The following SETBP1 variants were observed in gnomAD, a reference collection of about 807,000 sequenced individuals.
SETBP1 encodes SET binding protein 1, also known as SET-binding protein.
Under a neutral mutation model 101.0 loss-of-function variants are expected in SETBP1, and 9 were observed. The ratio of observed to expected loss-of-function variants is 0.09; its 90% CI spans 0.05 to 0.16. The LOEUF (loss-of-function observed/expected upper bound fraction) is 0.16. Among genes scored for constraint, SETBP1 ranks in the 10% least tolerant of loss-of-function variants. The pLI is 1.00. For synonymous variants in SETBP1, 818 were observed against 788.5 expected (o/e 1.04, Z -0.63); for missense variants, 1,858 against 2,033.8 (o/e 0.91, Z 1.66).
At chr18:44,869,536 T>C (rs1216233728) in intron 3 of SETBP1, 4 of 457,582 alleles carry the variant, frequency 8.7e-6, no homozygotes, top group Non-Finnish European at 1.6e-5. Flanking sequence ...GAGATCAAGA[T>C]GCTCGGAATG....
intron 2 of SETBP1, among the ~76,000 whole-genome samples, chr18:44,861,404 A>G (rs1209534124): frequency 6.6e-6 from 1 of 150,968 alleles, no homozygotes; most frequent in African/African-American, 2.4e-5. Flanking sequence ...ATGCCCAGCT[A>G]ATTTTTTTTT....
At chr18:44,794,098 G>A (rs1403771610) in intron 2 of SETBP1, among the ~76,000 whole-genome samples, 1 of 152,164 alleles carries the variant, frequency 6.6e-6, no homozygotes, top group Admixed American at 6.5e-5. Flanking sequence ...GATAATAACA[G>A]CCTGCAGAGT....
In SETBP1 at chr18:45,058,438, TG is replaced by T. The variant is rs551833728; in HGVS notation, c.4172-4637del. ...ATGTTTTAGAAAGCCACCCCACATT[TG>T]GGGATGCAATTAATAATGAGTATAG... is the stretch of plus-strand genomic sequence containing the variant. On this transcript the variant is annotated intron_variant, in intron 5 of 5. Coordinates refer to ENST00000649279, the MANE Select transcript of SETBP1 (RefSeq NM_015559.3). Among the ~76,000 whole-genome samples, 33 of 152,276 alleles carry T rather than the reference TG, an allele frequency of 2.2e-4. 1 individual carries two copies. Among genetic ancestry groups the T allele is most frequent in the African/African-American group, 7.9e-4 (33 of 41,544 alleles).
chr18:44,877,921 T>A (rs1359960571), intron 3 of SETBP1, among the ~76,000 whole-genome samples: 3 of 152,210 alleles, frequency 2.0e-5, no homozygotes, highest in African/African-American at 4.8e-5. Context: ...TTTTGTTTTT[T>A]AATTCCAAGA....
chr18:44,893,290 G>A (rs1042401833), intron 3 of SETBP1, among the ~76,000 whole-genome samples: 1 of 152,192 alleles, frequency 6.6e-6, no homozygotes, highest in Non-Finnish European at 1.5e-5. Context: ...CATTAGAACT[G>A]TTCTGAGTAA....
chr18:44,730,334 G>A (rs529882967), intron 2 of SETBP1, among the ~76,000 whole-genome samples: 1 of 152,296 alleles, frequency 6.6e-6, no homozygotes, highest in South Asian at 2.1e-4. Context: ...TCAGATACTG[G>A]GGAGGTAAGA....
chr18:44,728,410 T>C (rs2069762052), intron 2 of SETBP1, among the ~76,000 whole-genome samples: 1 of 152,210 alleles, frequency 6.6e-6, no homozygotes, highest in African/African-American at 2.4e-5. Context: ...GTCACTGTTT[T>C]GTTTCAAGTG....
In SETBP1 at chr18:45,063,440, G is replaced by C; in HGVS notation, c.4533G>C (p.Ala1511=). 6.7e-7 allele frequency: 1 copy of C among 1,498,076 alleles called. No individual in the cohort carries two copies. Among genetic ancestry groups the C allele is most frequent in the Non-Finnish European group, 8.9e-7 (1 of 1,124,100 alleles). The allele number at this position is 1,498,076 out of a possible 1,614,324, so 92.8% of individuals were successfully genotyped here. A position where few individuals can be genotyped will look rare whatever the true frequency, so the allele number is the denominator to read the frequency against. The change falls in exon 6 of 6, where the codon GCG becomes GCC. Residue 1511 remains alanine, a synonymous_variant. Coordinates refer to ENST00000649279, the MANE Select transcript of SETBP1 (RefSeq NM_015559.3). ...SQDTIMATIE[A]VIHMAREAPP... Reference sequence around the variant, plus strand: ...ACACCATCATGGCCACCATCGAGGCGGTCATCCACATGGCCCGGGAGGCGC... The same window carrying C: ...ACACCATCATGGCCACCATCGAGGCCGTCATCCACATGGCCCGGGAGGCGC...
intron 3 of SETBP1, among the ~76,000 whole-genome samples, chr18:44,944,206 C>T (rs2071151890): frequency 6.6e-6 from 1 of 152,142 alleles, no homozygotes. Context: ...AATACCTACA[C>T]AGGGAATTAT....
chr18:44,828,759 G>A (rs2144436031), intron 2 of SETBP1, among the ~76,000 whole-genome samples: 1 of 152,322 alleles, frequency 6.6e-6, no homozygotes, highest in Non-Finnish European at 1.5e-5. Flanking sequence ...TTGCGGTTAA[G>A]TAAGGTTATA....
chr18:44,884,890 C>T (rs2069605663), intron 3 of SETBP1, among the ~76,000 whole-genome samples: 2 of 152,180 alleles, frequency 1.3e-5, no homozygotes, highest in African/African-American at 2.4e-5. Context: ...ATATGCATCT[C>T]TTATTACATA....
At chr18:44,910,574 G>C (rs1262266182) in intron 3 of SETBP1, among the ~76,000 whole-genome samples, 3 of 152,186 alleles carry the variant, frequency 2.0e-5, no homozygotes, top group Non-Finnish European at 4.4e-5. Context: ...ATACGGGCCA[G>C]TGTCCTGCCC....
intron 2 of SETBP1, among the ~76,000 whole-genome samples, chr18:44,766,319 T>A (rs1417489098): frequency 6.6e-6 from 1 of 152,214 alleles, no homozygotes; most frequent in East Asian, 1.9e-4. Context: ...TAGTCTTGAT[T>A]TTTCAGGTCT....
chr18:45,046,662 A>C (rs1299317106), intron 5 of SETBP1, among the ~76,000 whole-genome samples: 2 of 152,246 alleles, frequency 1.3e-5, no homozygotes, highest in Non-Finnish European at 2.9e-5. Context: ...CAGCCTATGC[A>C]GTACTTTAAT....
intron 2 of SETBP1, among the ~76,000 whole-genome samples, chr18:44,831,277 CA>C (rs1475434815): frequency 6.6e-6 from 1 of 152,118 alleles, no homozygotes; most frequent in Non-Finnish European, 1.5e-5. Context: ...TAGAGATTCC[CA>C]GAGATTTTTC....
intron 3 of SETBP1, among the ~76,000 whole-genome samples, chr18:44,937,330 C>G (rs1420402751): frequency 1.3e-5 from 2 of 151,130 alleles, no homozygotes; most frequent in African/African-American, 4.8e-5. Flanking sequence ...TGGCGGGCGC[C>G]TGTAGTCCCA....
At chr18:44,780,077 C>A (rs2071094117) in intron 2 of SETBP1, among the ~76,000 whole-genome samples, 1 of 152,108 alleles carries the variant, frequency 6.6e-6, no homozygotes, top group Admixed American at 6.5e-5. Flanking sequence ...AGCTTGCCTG[C>A]TCCCAGCACG....
chr18:45,043,747 A>T (rs2073557291), intron 5 of SETBP1, among the ~76,000 whole-genome samples: 1 of 152,238 alleles, frequency 6.6e-6, no homozygotes, highest in African/African-American at 2.4e-5. Flanking sequence ...CAGTCGAATC[A>T]GAACTAACTG....
At chr18:44,721,770 A>T (rs1258839166) in intron 2 of SETBP1, among the ~76,000 whole-genome samples, 1 of 152,194 alleles carries the variant, frequency 6.6e-6, no homozygotes, top group Admixed American at 6.5e-5. Flanking sequence ...GCATATGGCC[A>T]TGAGGGGGAC....
Sources: gnomAD v4.1 joint callset for allele counts (sites outside exome capture counted in the v4.1 genomes callset) on GRCh38, gnomAD v4.1.1 for gene constraint, MANE v1.5 for transcripts, NCBI Gene and HGNC (gene_info 2026-07-23, HGNC 2026-07-21) for gene names.